COL11A1: variants seen among roughly 807,000 people sequenced by gnomAD.
COL11A1 encodes the protein collagen alpha-1(XI) chain.
A neutral mutation model predicts 265.2 loss-of-function variants in COL11A1; 74 were observed. The observed-to-expected ratio is 0.28, with a 90% confidence interval of 0.23 to 0.34. The LOEUF (loss-of-function observed/expected upper bound fraction) is 0.34. COL11A1 is among the 10% of genes least tolerant of loss of function. The pLI, the probability that COL11A1 is intolerant of heterozygous loss-of-function variation, is 1.00. For synonymous variants in COL11A1, 816 were observed against 727.6 expected (o/e 1.12, Z -1.96); for missense variants, 2,165 against 2,263.6 (o/e 0.96, Z 0.88).
chr1:103,023,085 G>A lies in COL11A1; in HGVS notation c.991-89C>T, dbSNP rs896181203. 4 of 1,388,226 alleles carry A rather than the reference G, an allele frequency of 2.9e-6. No homozygotes were observed. In the African/African-American group the frequency reaches 5.7e-5, roughly 20 times the overall value. The allele number at this position is 1,388,226 out of a possible 1,614,324, so 86.0% of individuals were successfully genotyped here. Reference sequence around the variant, plus strand: ...CATTTAAATTACAATTTGATAGCGTGTGATGGGATGCGATTTTGTTACTAC... The same window carrying A: ...CATTTAAATTACAATTTGATAGCGTATGATGGGATGCGATTTTGTTACTAC... On this transcript the variant is annotated intron_variant, in intron 7 of 66. Coordinates refer to ENST00000370096, the MANE Select transcript of COL11A1 (RefSeq NM_001854.4).
At chr1:102,977,460 A>G (rs1438249588) in intron 35 of COL11A1, among the ~76,000 whole-genome samples, 6 of 152,170 alleles carry the variant, frequency 3.9e-5, no homozygotes. Context: ...GTTGGATGAC[A>G]GTATTGCTGT....
intron 1 of COL11A1, among the ~76,000 whole-genome samples, chr1:103,103,307 G>A (rs1674435210): frequency 6.6e-6 from 1 of 151,872 alleles, no homozygotes; most frequent in Non-Finnish European, 1.5e-5. Flanking sequence ...TCAGAAATTT[G>A]CCATTTTTTA....
At chr1:103,067,089 A>G (rs898809938) in intron 4 of COL11A1, among the ~76,000 whole-genome samples, 2 of 151,938 alleles carry the variant, frequency 1.3e-5, no homozygotes, top group African/African-American at 4.8e-5. Context: ...AAATTTTAAC[A>G]CTCCTCAACA....
Position 102,939,072 on chromosome 1 carries a change from G to A in COL11A1, c.3401C>T (p.Pro1134Leu), listed in dbSNP as rs764478054. ...GTCACCCTTGCTGCCTTTTTGTCCC[G>A]GCTCACCAATTTCACCCTGAAATTG... ...EDGDKGEIGE[P>L]GQKGSKGDKG... Residue 1134 changes from proline to leucine, a missense_variant, in exon 44 of 67, where the codon CCG becomes CTG. Pro to Leu is a moderately conservative substitution (Grantham distance 98). Coordinates refer to ENST00000370096, the MANE Select transcript of COL11A1 (RefSeq NM_001854.4). The A allele has an allele frequency of 9.3e-6, 15 of 1,613,370 alleles. No homozygotes were observed. The highest frequency in any genetic ancestry group is 1.7e-5 in the Admixed American group (1 of 59,970).
At chr1:103,063,132 A>T (rs532090001) in intron 4 of COL11A1, among the ~76,000 whole-genome samples, 1 of 152,234 alleles carries the variant, frequency 6.6e-6, no homozygotes, top group African/African-American at 2.4e-5. Context: ...TCAAGATGTC[A>T]GTTCTCCTCA....
intron 28 of COL11A1, among the ~76,000 whole-genome samples, chr1:102,990,651 T>G (rs1420978180): frequency 6.6e-6 from 1 of 152,016 alleles, no homozygotes; most frequent in Non-Finnish European, 1.5e-5. Flanking sequence ...TACTAAGAAA[T>G]AGTCATTCAT....
At chr1:103,027,428 TATATATATATATATA>T in intron 5 of COL11A1, among the ~76,000 whole-genome samples, 1 of 128,002 alleles carries the variant, frequency 7.8e-6, no homozygotes, top group South Asian at 2.3e-4. Flanking sequence ...TATATATATA[TATATATATATATATA>T]TGCATGCATG....
intron 4 of COL11A1, among the ~76,000 whole-genome samples, chr1:103,061,701 T>C (rs2102202148): frequency 6.6e-6 from 1 of 152,082 alleles, no homozygotes; most frequent in Non-Finnish European, 1.5e-5. Flanking sequence ...AACTTTTCTT[T>C]GAGGGAAATC....
chr1:103,013,443 A>C (rs753950402), intron 13 of COL11A1, among the ~76,000 whole-genome samples: 23 of 151,982 alleles, frequency 1.5e-4, no homozygotes, highest in Non-Finnish European at 2.4e-4. Context: ...TTACCTTAAA[A>C]TCGTTCAAAA....
rs550201657 is a variant in COL11A1 at position 102,979,061 on chromosome 1, G to T, written c.2654C>A (p.Thr885Lys). ...ATCATTTTAAATCAAGGCACCTACC[G>T]TTGGACCACGCTGACCCCGAGGGCC... Reference protein sequence around the residue: ...KPGPRGQRGPTGPRGSRGARG... With the variant: ...KPGPRGQRGPKGPRGSRGARG... Residue 885 changes from threonine (T) to lysine (K), a missense_variant and splice_region_variant, in exon 33 of 67, where the codon ACG becomes AAG. By Grantham distance (78) the Thr-to-Lys change is moderately conservative. Transcript: ENST00000370096. 5.6e-6 allele frequency: 9 copies of T among 1,613,908 alleles called. No individual in the cohort carries two copies. Among genetic ancestry groups the T allele is most frequent in the Non-Finnish European group, 6.8e-6 (8 of 1,179,970 alleles).
intron 30 of COL11A1, among the ~76,000 whole-genome samples, chr1:102,985,142 A>G (rs1288335599): frequency 1.3e-5 from 2 of 152,118 alleles, no homozygotes; most frequent in Non-Finnish European, 2.9e-5. Flanking sequence ...ATAAAATATT[A>G]TTTACTAATG....
chr1:102,927,743 T>C (rs1179492240), intron 46 of COL11A1, among the ~76,000 whole-genome samples: 2 of 152,206 alleles, frequency 1.3e-5, no homozygotes, highest in Non-Finnish European at 2.9e-5. Flanking sequence ...ACAGAGGCTG[T>C]AGTGTTCTAC....
chr1:102,970,690 T>C (rs548472235), intron 36 of COL11A1, among the ~76,000 whole-genome samples: 1 of 152,150 alleles, frequency 6.6e-6, no homozygotes, highest in African/African-American at 2.4e-5. Context: ...AATAGTGCCC[T>C]CTAGTGGTAA....
intron 52 of COL11A1, among the ~76,000 whole-genome samples, 160 bp downstream of exon 52, chr1:102,914,192 A>T (rs1235893016): frequency 6.6e-6 from 1 of 152,210 alleles, no homozygotes; most frequent in Non-Finnish European, 1.5e-5. Flanking sequence ...GTCTCCAACT[A>T]TATGGATTTT....
intron 4 of COL11A1, among the ~76,000 whole-genome samples, chr1:103,040,070 G>A (rs1161122116): frequency 1.3e-5 from 2 of 151,852 alleles, no homozygotes. Flanking sequence ...AAATTTTTAA[G>A]AAATATCCAT....
At chr1:103,085,544 T>C (rs1672784501) in intron 1 of COL11A1, among the ~76,000 whole-genome samples, 1 of 151,892 alleles carries the variant, frequency 6.6e-6, no homozygotes, top group Non-Finnish European at 1.5e-5. Context: ...TTTTTTCTTA[T>C]CAACATTATC....
chr1:103,046,122 A>G (rs887844322), intron 4 of COL11A1, among the ~76,000 whole-genome samples: 3 of 151,466 alleles, frequency 2.0e-5, no homozygotes, highest in Non-Finnish European at 2.9e-5. Flanking sequence ...ATAATCCTTT[A>G]GGTATACACC....
chr1:102,895,355 T>C lies in COL11A1; in HGVS notation c.4302+2770A>G, dbSNP rs542734488. Among the ~76,000 whole-genome samples the C allele has an allele frequency of 7.2e-5, 11 of 152,266 alleles. No individual in the cohort carries two copies. The Middle Eastern group carries it at 0.01, about 141-fold the overall frequency. ...ATCTGGAGAGATGAAAGTAGGTAAG[T>C]TGTACTTACTGAACAGCTAGGTTGT... On this transcript the variant is annotated intron_variant, in intron 57 of 66. Transcript: ENST00000370096.
At chr1:102,923,998 G>A (rs1656286522) in intron 46 of COL11A1, among the ~76,000 whole-genome samples, 1 of 150,434 alleles carries the variant, frequency 6.6e-6, no homozygotes, top group Non-Finnish European at 1.5e-5. Context: ...CACGAGGTCA[G>A]GAGATCGAGA....
Sources: allele counts gnomAD v4.1 joint callset (sites outside exome capture counted in the v4.1 genomes callset), GRCh38; gene constraint gnomAD v4.1.1; transcripts MANE v1.5; gene names NCBI Gene and HGNC (gene_info 2026-07-23, HGNC 2026-07-21).